MAP3K9: variants seen among roughly 807,000 people sequenced by gnomAD.
The protein encoded by MAP3K9 is mixed lineage kinase 1 (tyr and ser/thr specificity).
In MAP3K9, 46 loss-of-function variants were observed where a neutral mutation model predicts 95.8. That is an observed-to-expected ratio of 0.48 (90% CI 0.38 to 0.61). The LOEUF (loss-of-function observed/expected upper bound fraction) is 0.61, where lower values mean the gene tolerates loss of function less well. MAP3K9 is among the 20% of genes least tolerant of loss of function. The probability of loss-of-function intolerance (pLI) is 0.00; values close to 1 mark genes in which losing one functional copy is unlikely to be tolerated. For synonymous variants in MAP3K9, 533 were observed against 593.8 expected (o/e 0.90, Z 1.49); for missense variants, 1,296 against 1,474.3 (o/e 0.88, Z 1.98).
At position 70,726,769 on chromosome 14, in the gene MAP3K9, C is replaced by T. The variant is rs541966640; in HGVS notation, c.*3611G>A. ...CAAGGCAAAGGTGATGAGAGCCACA[C>T]TCTCAACTTCAGCGATTCATCCTGT... On this transcript the variant is annotated 3_prime_UTR_variant, in exon 12 of 12. Coordinates refer to ENST00000554752, the MANE Select transcript of MAP3K9 (RefSeq NM_001284230.2). The T allele has an allele frequency of 5.9e-5, 9 of 152,386 alleles. No individual in the cohort carries two copies. In the East Asian group the frequency reaches 1.5e-3, roughly 26 times the overall value. The allele number at this position is 152,386 out of a possible 1,614,324, so 9.4% of individuals were successfully genotyped here.
chr14:70,808,791 G>A lies in MAP3K9; in HGVS notation c.381C>T (p.Asp127=), dbSNP rs1448236785. ...FSSRCQPGGE[D]PSCYPPIQLL... is the part of the protein sequence containing the mutation. The stretch of plus-strand genomic sequence containing the variant: ...ACTGAATGGGCGGGTAGCAACTGGG[G>A]TCCTCGCCGCCGGGCTGGCAGCGGC... Residue 127 remains aspartate, a synonymous_variant, in exon 1 of 12, where the codon GAC becomes GAT. Transcript: ENST00000554752. 6.3e-7 allele frequency: 1 copy of A among 1,588,128 alleles called. No individual in the cohort carries two copies. Among genetic ancestry groups the A allele is most frequent in the Admixed American group, 1.8e-5 (1 of 56,526 alleles).
In MAP3K9 at chr14:70,808,852, G is replaced by A; in HGVS notation, c.320C>T (p.Pro107Leu). Residue 107 changes from proline (P) to leucine (L), a missense_variant, in exon 1 of 12, where the codon CCC (proline) becomes CTC (leucine). Around this residue, in one of 5 missense-constraint regions of MAP3K9, gnomAD observed 338 missense variants for 363.4 expected, o/e 0.93. Coordinates refer to ENST00000554752, the MANE Select transcript of MAP3K9 (RefSeq NM_001284230.2). Reference protein sequence around the residue: ...GQLNQRVGIFPSNYVTPRSAF... With the variant: ...GQLNQRVGIFLSNYVTPRSAF... The stretch of plus-strand genomic sequence containing the variant: ...GCTGCGCGGGGTCACGTAGTTGCTG[G>A]GGAAGATGCCCACCCGCTGGTTCAG... 1 of 1,600,726 alleles carries A rather than the reference G, an allele frequency of 6.2e-7. No individual in the cohort carries two copies. Among genetic ancestry groups the A allele is most frequent in the Non-Finnish European group, 8.5e-7 (1 of 1,176,126 alleles).
intron 3 of MAP3K9, among the ~76,000 whole-genome samples, chr14:70,759,490 T>A (rs1247289309): frequency 6.6e-6 from 1 of 152,048 alleles, no homozygotes; most frequent in Admixed American, 6.5e-5. Context: ...ATAGTGGTTG[T>A]AATGGGCTGA....
intron 3 of MAP3K9, among the ~76,000 whole-genome samples, chr14:70,753,551 C>A (rs2054258860): frequency 6.6e-6 from 1 of 152,166 alleles, no homozygotes; most frequent in Non-Finnish European, 1.5e-5. Flanking sequence ...TGATTTACCT[C>A]AGGTTTAGTC....
chr14:70,747,747 G>A (rs1331956097), intron 5 of MAP3K9, among the ~76,000 whole-genome samples: 1 of 152,180 alleles, frequency 6.6e-6, no homozygotes, highest in African/African-American at 2.4e-5. Flanking sequence ...AGTGGAAAAA[G>A]TGGGAAACCA....
At chr14:70,765,753 A>C in intron 2 of MAP3K9, among the ~76,000 whole-genome samples, 2 of 18,788 alleles carry the variant, frequency 1.1e-4, no homozygotes, top group Admixed American at 5.7e-4. Context: ...AAAAAAAACA[A>C]AAAAAAACAA....
intron 3 of MAP3K9, among the ~76,000 whole-genome samples, chr14:70,757,288 A>G (rs1314656965): frequency 1.3e-5 from 2 of 152,184 alleles, no homozygotes; most frequent in East Asian, 3.9e-4. Context: ...CCTGGGCAAC[A>G]TGGTGAAACC....
chr14:70,765,544 C>T (rs977696612), intron 2 of MAP3K9: 28 of 623,934 alleles, frequency 4.5e-5, no homozygotes, highest in African/African-American at 9.2e-5. Context: ...ACCTTTTCTA[C>T]GTATAGATAC....
At chr14:70,731,192 T>A (rs1211690081) in intron 11 of MAP3K9, among the ~76,000 whole-genome samples, 1 of 152,010 alleles carries the variant, frequency 6.6e-6, no homozygotes, top group Non-Finnish European at 1.5e-5. Context: ...ATGCCTATAA[T>A]CCCAGCACTT....
intron 3 of MAP3K9, among the ~76,000 whole-genome samples, chr14:70,754,453 A>AT (rs1020352508): frequency 2.6e-5 from 4 of 151,886 alleles, no homozygotes; most frequent in African/African-American, 4.8e-5. Context: ...ATATTTTCAA[A>AT]TTTTTTCTAC....
At chr14:70,763,840 AT>A (rs1365859107) in intron 2 of MAP3K9, among the ~76,000 whole-genome samples, 2 of 152,026 alleles carry the variant, frequency 1.3e-5, no homozygotes, top group Non-Finnish European at 2.9e-5. Flanking sequence ...CCAGCATACT[AT>A]ACTTTTTAAT....
chr14:70,728,013 G>T lies in MAP3K9; in HGVS notation c.*2367C>A. The T allele has an allele frequency of 6.6e-6, 1 of 151,772 alleles. No individual in the cohort carries two copies. The highest frequency in any genetic ancestry group is 1.9e-4 in the East Asian group (1 of 5,190). The allele number at this position is 151,772 out of a possible 1,614,324, so 9.4% of individuals were successfully genotyped here. On this transcript the variant is annotated 3_prime_UTR_variant, in exon 12 of 12. Transcript: ENST00000554752. ...GTGTATAGGCAGCATGGTTTGGAGG[G>T]CCACAAGAGGGCCATTTAGTGGAGC...
chr14:70,806,650 T>C (rs942053715), intron 1 of MAP3K9, among the ~76,000 whole-genome samples: 12 of 152,226 alleles, frequency 7.9e-5, no homozygotes, highest in African/African-American at 2.7e-4. Context: ...TAGCACGCTG[T>C]TGCCATGCCT....
intron 6 of MAP3K9, among the ~76,000 whole-genome samples, chr14:70,740,446 T>C (rs2054054028): frequency 6.6e-6 from 1 of 152,234 alleles, no homozygotes; most frequent in Non-Finnish European, 1.5e-5. Context: ...CAGTTATGTA[T>C]TAAGAATAGC....
chr14:70,740,980 T>C (rs2054062220), intron 6 of MAP3K9, among the ~76,000 whole-genome samples: 1 of 152,166 alleles, frequency 6.6e-6, no homozygotes, highest in South Asian at 2.1e-4. Flanking sequence ...CTCATAAACA[T>C]ATTCACTCAA....
rs572010694 is a variant in MAP3K9, at chr14:70,794,990, C to CTT, written c.820+5675_820+5676dup. 4.5e-3 allele frequency among the ~76,000 whole-genome samples: 343 copies of CTT among 76,784 alleles called. 16 individuals carry two copies. Among genetic ancestry groups the CTT allele is most frequent in the South Asian group, 8.7e-3 (16 of 1,842 alleles). The allele number at this position is 76,784 out of a possible 152,430, so 50.4% of individuals were successfully genotyped here. A position where few individuals can be genotyped will look rare whatever the true frequency, so the allele number is the denominator to read the frequency against. On this transcript the variant is annotated intron_variant, in intron 2 of 11. Transcript: ENST00000554752. The stretch of plus-strand genomic sequence containing the variant: ...CCGTGACCAGCCTCTTTTTCTTTTC[C>CTT]TTTTTTTTTTTTTTTTTTTTTGAGA...
intron 3 of MAP3K9, among the ~76,000 whole-genome samples, chr14:70,756,575 G>C (rs2054302222): frequency 6.6e-6 from 1 of 152,246 alleles, no homozygotes; most frequent in South Asian, 2.1e-4. Context: ...TGGGTGTGCA[G>C]AGATGTGTAC....
intron 2 of MAP3K9, among the ~76,000 whole-genome samples, chr14:70,796,828 T>C (rs554237110): frequency 6.6e-6 from 1 of 152,156 alleles, no homozygotes; most frequent in African/African-American, 2.4e-5. Flanking sequence ...GAGTGAAAAA[T>C]AGGAGCCTGG....
chr14:70,740,930 A>G (rs2054061448), intron 6 of MAP3K9, among the ~76,000 whole-genome samples: 1 of 152,232 alleles, frequency 6.6e-6, no homozygotes, highest in Non-Finnish European at 1.5e-5. Flanking sequence ...CTGTCTGAAA[A>G]GGAAAAACAA....
Sources: gnomAD v4.1 joint callset for allele counts (sites outside exome capture counted in the v4.1 genomes callset) on GRCh38, gnomAD v4.1.1 for gene constraint, gnomAD v4.1.1 regional missense constraint, MANE v1.5 for transcripts, NCBI Gene and HGNC (gene_info 2026-07-23, HGNC 2026-07-21) for gene names.